The following LHFPL2 variants were observed in gnomAD, a reference collection of about 807,000 sequenced individuals.
The protein encoded by LHFPL2 is LHFPL tetraspan subfamily member 2 protein.
LHFPL2 carries 7 observed loss-of-function variants against 17.5 expected under a neutral mutation model. The ratio of observed to expected loss-of-function variants is 0.40; its 90% confidence interval spans 0.23 to 0.75. The LOEUF (loss-of-function observed/expected upper bound fraction) is 0.75, where lower values mean the gene tolerates loss of function less well. Among genes scored for constraint, LHFPL2 ranks in the 30% least tolerant of loss-of-function variants. LHFPL2 has a pLI of 0.37. For synonymous variants in LHFPL2, 134 were observed against 116.2 expected (o/e 1.15, Z -0.99); for missense variants, 241 against 294.8 (o/e 0.82, Z 1.34).
intron 3 of LHFPL2, among the ~76,000 whole-genome samples, chr5:78,555,846 A>G (rs900756832): frequency 2.0e-5 from 3 of 152,238 alleles, no homozygotes; most frequent in African/African-American, 7.2e-5. Flanking sequence ...GGGGCAGGCA[A>G]AAGAAGTCAG....
intron 2 of LHFPL2, among the ~76,000 whole-genome samples, chr5:78,572,735 CG>C (rs1757034033): frequency 6.6e-6 from 1 of 151,962 alleles, no homozygotes; most frequent in Non-Finnish European, 1.5e-5. Context: ...TTAACAGATA[CG>C]GAGTTTAATA....
At chr5:78,514,646 A>G (rs1324310702) in intron 3 of LHFPL2, among the ~76,000 whole-genome samples, 1 of 152,226 alleles carries the variant, frequency 6.6e-6, no homozygotes. Context: ...TCACCCGGAC[A>G]GAAACTCAGG....
chr5:78,505,333 C>G (rs1202383320), intron 4 of LHFPL2, among the ~76,000 whole-genome samples: 1 of 152,178 alleles, frequency 6.6e-6, no homozygotes, highest in Non-Finnish European at 1.5e-5. Flanking sequence ...TGGACAAGTT[C>G]TCACCTCATG....
chr5:78,533,199 T>C (rs1755837763), intron 3 of LHFPL2, among the ~76,000 whole-genome samples: 1 of 152,138 alleles, frequency 6.6e-6, no homozygotes, highest in African/African-American at 2.4e-5. Flanking sequence ...CCAGAAGATA[T>C]CTCCCCCATT....
chr5:78,510,068 G>A lies in LHFPL2; in HGVS notation c.146C>T (p.Pro49Leu), dbSNP rs778626573. ...GTAGGGCTCCGGGGAGCCCCCGCCC[G>A]GGCCCGCCGGCTCCACGCCGCCGCG... Reference protein sequence around the residue: ...RSRGGVEPAGPGGGSPEPYHP... With the variant: ...RSRGGVEPAGLGGGSPEPYHP... The change falls in exon 4 of 5, where the codon CCG becomes CTG. Residue 49 changes from proline (P) to leucine (L), a missense_variant. Physicochemically the swap from Pro to Leu is moderately conservative, Grantham distance 98 (BLOSUM62 -3). Coordinates refer to ENST00000380345, the MANE Select transcript of LHFPL2 (RefSeq NM_005779.3). The A allele has an allele frequency of 8.1e-6, 13 of 1,610,860 alleles. No homozygotes were observed. The highest frequency in any genetic ancestry group is 2.2e-5 in the East Asian group (1 of 44,808).
chr5:78,623,973 A>T (rs1744948126), intron 2 of LHFPL2, among the ~76,000 whole-genome samples: 1 of 152,234 alleles, frequency 6.6e-6, no homozygotes. Context: ...CACTTCCTAA[A>T]GGCCTGGTTT....
chr5:78,597,128 G>C (rs977022730), intron 2 of LHFPL2, among the ~76,000 whole-genome samples: 1 of 152,204 alleles, frequency 6.6e-6, no homozygotes, highest in African/African-American at 2.4e-5. Context: ...CACCCTAGGA[G>C]AGTAAGGTCT....
At chr5:78,515,248 C>T (rs1056777666) in intron 3 of LHFPL2, among the ~76,000 whole-genome samples, 1 of 30,248 alleles carries the variant, frequency 3.3e-5, no homozygotes, top group African/African-American at 2.5e-4. Flanking sequence ...CAAGAATAGT[C>T]TTCCCACCCA....
At chr5:78,629,635 T>C (rs1745173226) in intron 2 of LHFPL2, among the ~76,000 whole-genome samples, 1 of 152,234 alleles carries the variant, frequency 6.6e-6, no homozygotes, top group African/African-American at 2.4e-5. Context: ...GTATTAATCT[T>C]TGTACTAATA....
Position 78,491,886 on chromosome 5 carries a change from GGA to G in LHFPL2, c.431-2735_431-2734del, listed in dbSNP as rs145726732. Among the ~76,000 whole-genome samples, 100 of 152,234 alleles carry G rather than the reference GGA, an allele frequency of 6.6e-4. 1 individual carries two copies. The East Asian group carries it at 0.017, about 26-fold the overall frequency. On this transcript the variant is annotated intron_variant, in intron 4 of 4. Coordinates refer to ENST00000380345, the MANE Select transcript of LHFPL2 (RefSeq NM_005779.3). ...TATTTTGAGAAGTATAATAATTTGGGGAGAGAGGAGATCCCCAGGCTACATTC... is the reference window on the plus strand; with the variant it reads ...TATTTTGAGAAGTATAATAATTTGGGGAGAGGAGATCCCCAGGCTACATTC...
rs1307610933 is a variant in LHFPL2, at chr5:78,486,824, TGTAA to T, written c.*2069_*2072del. 3 of 152,272 alleles carry T rather than the reference TGTAA, an allele frequency of 2.0e-5. No homozygotes were observed. The highest frequency in any genetic ancestry group is 7.2e-5 in the African/African-American group (3 of 41,550). 9.4% of individuals were successfully genotyped at this position (152,272 alleles called of 1,614,324 possible). A position where few individuals can be genotyped will look rare whatever the true frequency, so the allele number is the denominator to read the frequency against. ...GATCCTGTGAGCTTAGGACTTAACT[TGTAA>T]GGACACTGAGATTGTAAACCTAGTG... On this transcript the variant is annotated 3_prime_UTR_variant, in exon 5 of 5. Coordinates refer to ENST00000380345, the MANE Select transcript of LHFPL2 (RefSeq NM_005779.3).
chr5:78,505,423 G>C (rs1473152128), intron 4 of LHFPL2, among the ~76,000 whole-genome samples: 3 of 152,214 alleles, frequency 2.0e-5, no homozygotes, highest in African/African-American at 7.2e-5. Flanking sequence ...GCTAGAAGCT[G>C]CCTCCAGAAA....
chr5:78,578,774 C>A (rs1025605106), intron 2 of LHFPL2, among the ~76,000 whole-genome samples: 3 of 152,172 alleles, frequency 2.0e-5, no homozygotes, highest in Admixed American at 6.5e-5. Flanking sequence ...CATCTATGTA[C>A]AAGGTTTTTG....
chr5:78,489,178 T>C (rs1470951174), intron 4 of LHFPL2, 25 bp from the exon 5 acceptor site: 1 of 1,612,316 alleles, frequency 6.2e-7, no homozygotes, highest in African/African-American at 1.3e-5. Context: ...AGAAAACAGA[T>C]TAGAAAATCC....
chr5:78,494,674 C>G (rs1561304125), intron 4 of LHFPL2: 1 of 210,162 alleles, frequency 4.8e-6, no homozygotes, highest in Non-Finnish European at 8.2e-6. Context: ...CTCGCCCTCC[C>G]AATCAGCTGG....
chr5:78,545,603 C>G (rs147591507), intron 3 of LHFPL2, among the ~76,000 whole-genome samples: 84 of 152,334 alleles, frequency 5.5e-4, no homozygotes, highest in African/African-American at 1.8e-3. Context: ...TTTAAAAAGA[C>G]TTGGTGTGAT....
chr5:78,494,002 AC>A (rs994846513), intron 4 of LHFPL2, among the ~76,000 whole-genome samples: 3 of 152,162 alleles, frequency 2.0e-5, no homozygotes, highest in Non-Finnish European at 4.4e-5. Flanking sequence ...ACTGGGTTTC[AC>A]ATGACGGCTG....
At chr5:78,542,352 C>A (rs561847295) in intron 3 of LHFPL2, among the ~76,000 whole-genome samples, 6 of 152,316 alleles carry the variant, frequency 3.9e-5, no homozygotes, top group East Asian at 3.9e-4. Context: ...CACATCCAAG[C>A]GCCCTTGTCC....
intron 2 of LHFPL2, among the ~76,000 whole-genome samples, chr5:78,583,208 C>T (rs1743218199): frequency 6.6e-6 from 1 of 151,484 alleles, no homozygotes; most frequent in Non-Finnish European, 1.5e-5. Context: ...CTGAATACAG[C>T]ACACTGATGG....
Sources: allele counts gnomAD v4.1 joint callset (sites outside exome capture counted in the v4.1 genomes callset), GRCh38; gene constraint gnomAD v4.1.1; transcripts MANE v1.5; gene names NCBI Gene and HGNC (gene_info 2026-07-23, HGNC 2026-07-21).